The following PAX7 variants were observed in gnomAD, a reference collection of about 807,000 sequenced individuals.
PAX7 encodes the protein paired box protein Pax-7.
PAX7 carries 18 observed loss-of-function variants against 50.7 expected under a neutral mutation model. The observed-to-expected ratio is 0.36, with a 90% CI of 0.25 to 0.53. The LOEUF is 0.53. Ranked by LOEUF, PAX7 falls within the 20% of genes least tolerant of loss-of-function variation. The pLI, the probability that PAX7 is intolerant of heterozygous loss-of-function variation, is 0.93. For missense variants in PAX7, 644 were observed against 702.9 expected (o/e 0.92, Z 0.95); for synonymous variants, 310 against 290.4 (o/e 1.07, Z -0.69).
At chr1:18,654,944 G>A (rs559955019) in intron 4 of PAX7, among the ~76,000 whole-genome samples, 1 of 152,334 alleles carries the variant, frequency 6.6e-6, no homozygotes, top group Admixed American at 6.5e-5. Context: ...CCCTGGGGTG[G>A]CAAGGGAGGA....
intron 7 of PAX7, among the ~76,000 whole-genome samples, chr1:18,727,681 A>G (rs1570236856): frequency 6.6e-6 from 1 of 152,328 alleles, no homozygotes; most frequent in East Asian, 1.9e-4. Flanking sequence ...TGCTTGTGCA[A>G]GAGAATGCCA....
intron 4 of PAX7, among the ~76,000 whole-genome samples, chr1:18,669,215 A>G (rs916233326): frequency 6.6e-6 from 1 of 152,192 alleles, no homozygotes; most frequent in African/African-American, 2.4e-5. Flanking sequence ...GAGCAGCCCA[A>G]GGGCACCAGG....
intron 8 of PAX7, among the ~76,000 whole-genome samples, chr1:18,740,731 A>T (rs768098284): frequency 6.6e-6 from 1 of 152,228 alleles, no homozygotes; most frequent in Non-Finnish European, 1.5e-5. Context: ...AATAGCCAAG[A>T]CGTAGAATCA....
At chr1:18,672,796 G>T (rs777461007) in intron 4 of PAX7, among the ~76,000 whole-genome samples, 23 of 151,848 alleles carry the variant, frequency 1.5e-4, no homozygotes, top group Non-Finnish European at 2.6e-4. Context: ...GGTAGAGAGG[G>T]GGGTTTCATC....
chr1:18,639,674 T>C (rs1454020590), intron 4 of PAX7, among the ~76,000 whole-genome samples: 2 of 152,116 alleles, frequency 1.3e-5, no homozygotes, highest in African/African-American at 4.8e-5. Flanking sequence ...AGAGAGATTC[T>C]TGTGGGGAAT....
At chr1:18,681,488 T>G (rs2088898901) in intron 4 of PAX7, among the ~76,000 whole-genome samples, 1 of 152,172 alleles carries the variant, frequency 6.6e-6, no homozygotes. Context: ...ATTCTGTCCA[T>G]GCAACTACAC....
intron 4 of PAX7, among the ~76,000 whole-genome samples, chr1:18,650,660 G>A (rs1570122668): frequency 6.6e-6 from 1 of 152,212 alleles, no homozygotes; most frequent in African/African-American, 2.4e-5. Flanking sequence ...AAGAGCCACT[G>A]GTCTCATGCA....
At chr1:18,709,835 G>A (rs2089328740) in intron 7 of PAX7, among the ~76,000 whole-genome samples, 1 of 152,214 alleles carries the variant, frequency 6.6e-6, no homozygotes, top group South Asian at 2.1e-4. Flanking sequence ...TGGTCTGGTG[G>A]TCCATCCAGG....
intron 7 of PAX7, among the ~76,000 whole-genome samples, chr1:18,716,007 A>T (rs1304379025): frequency 6.7e-6 from 1 of 149,468 alleles, no homozygotes; most frequent in African/African-American, 2.5e-5. Flanking sequence ...CCCCCACTCT[A>T]GGTTCCTGCC....
intron 4 of PAX7, among the ~76,000 whole-genome samples, chr1:18,668,410 A>C (rs1373486972): frequency 1.3e-5 from 2 of 152,194 alleles, no homozygotes; most frequent in Non-Finnish European, 2.9e-5. Flanking sequence ...TGTTAAAAAT[A>C]ATAACAATGG....
At chr1:18,725,086 G>C (rs1271789558) in intron 7 of PAX7, among the ~76,000 whole-genome samples, 1 of 152,196 alleles carries the variant, frequency 6.6e-6, no homozygotes, top group African/African-American at 2.4e-5. Flanking sequence ...TTACAAATGG[G>C]GAAACTGAGG....
chr1:18,682,820 G>A (rs2088918709), intron 4 of PAX7, among the ~76,000 whole-genome samples: 1 of 152,206 alleles, frequency 6.6e-6, no homozygotes, highest in African/African-American at 2.4e-5. Flanking sequence ...GGGCGGGGTA[G>A]GCAGGACCTA....
rs988376122 is a variant in PAX7, at chr1:18,634,971, C to T, written c.322-140C>T. On this transcript the variant is annotated intron_variant, in intron 2 of 8. Transcript: ENST00000420770. The surrounding 1 kb of genome is among the most constrained non-coding windows in gnomAD (Gnocchi z 4.0). ...GAACCGGTTTCTTGAAAGGATAAAGCCAATCTCTTGGGGGATGGGGGGACA... is the reference window on the plus strand; with the variant it reads ...GAACCGGTTTCTTGAAAGGATAAAGTCAATCTCTTGGGGGATGGGGGGACA... 8 of 1,090,038 alleles carry T rather than the reference C, an allele frequency of 7.3e-6. No individual in the cohort carries two copies. Among genetic ancestry groups the T allele is most frequent in the Non-Finnish European group, 1.0e-5 (8 of 777,764 alleles). The allele number at this position is 1,090,038 out of a possible 1,614,324, so 67.5% of individuals were successfully genotyped here.
intron 4 of PAX7, among the ~76,000 whole-genome samples, chr1:18,640,369 C>A (rs905126070): frequency 6.6e-6 from 1 of 151,358 alleles, no homozygotes; most frequent in African/African-American, 2.4e-5. Context: ...TCCGGGGGAG[C>A]GAGTGAATAG....
At chr1:18,645,182 C>T (rs891750545) in intron 4 of PAX7, among the ~76,000 whole-genome samples, 1 of 152,164 alleles carries the variant, frequency 6.6e-6, no homozygotes, top group African/African-American at 2.4e-5. Flanking sequence ...AGTGTGTTTG[C>T]GGGGCTGGGG....
chr1:18,703,151 G>T lies in PAX7; in HGVS notation c.1010G>T (p.Gly337Val). The T allele has an allele frequency of 6.2e-7, 1 of 1,613,914 alleles. No homozygotes were observed. Among genetic ancestry groups the T allele is most frequent in the Non-Finnish European group, 8.5e-7 (1 of 1,179,956 alleles). ...QPLPPSTMHQ[G>V]GLAAAAAAAD... ...CTGCCACCGTCCACCATGCACCAGG[G>T]CGGGCTGGCTGCAGCGGCTGCAGCC... Residue 337 changes from glycine (G) to valine (V), a missense_variant, in exon 7 of 9, where the codon GGC (glycine) becomes GTC (valine). Transcript: ENST00000420770.
In PAX7 at chr1:18,741,462, A is replaced by AG. The variant is rs879824350; in HGVS notation, c.1403-3352_1403-3351insG. On this transcript the variant is annotated intron_variant, in intron 8 of 8. Transcript: ENST00000420770. Reference sequence around the variant, plus strand: ...GAGACTCCGTCTCAAAAAGAAAAAAAAAAAGAAAGAAAGAAAGAAAAGATA... The same window carrying AG: ...GAGACTCCGTCTCAAAAAGAAAAAAAGAAAAGAAAGAAAGAAAGAAAAGATA... Among the ~76,000 whole-genome samples the AG allele has an allele frequency of 9.1e-3, 1,068 of 117,158 alleles. 5 individuals carry two copies. The highest frequency in any genetic ancestry group is 0.04 in the South Asian group (142 of 3,514). 76.9% of individuals were successfully genotyped at this position (117,158 alleles called of 152,430 possible).
chr1:18,652,026 T>G (rs148102651), intron 4 of PAX7, among the ~76,000 whole-genome samples: 1 of 151,908 alleles, frequency 6.6e-6, no homozygotes, highest in Non-Finnish European at 1.5e-5. Context: ...TGTTGGGGGA[T>G]TAACACTCAG....
chr1:18,739,767 T>C (rs1931022564), intron 8 of PAX7, among the ~76,000 whole-genome samples: 3 of 152,198 alleles, frequency 2.0e-5, no homozygotes, highest in Admixed American at 2.0e-4. Context: ...CTTTTCCTGC[T>C]CTGGCCATTG....
Sources: gnomAD v4.1 joint callset for allele counts (sites outside exome capture counted in the v4.1 genomes callset) on GRCh38, gnomAD v4.1.1 for gene constraint, Gnocchi (gnomAD v3.1) non-coding constraint, MANE v1.5 for transcripts, NCBI Gene and HGNC (gene_info 2026-07-23, HGNC 2026-07-21) for gene names.